Variants in NFIA observed in about 807,000 individuals in gnomAD.
NFIA encodes the protein nuclear factor I A.
A neutral mutation model predicts 62.8 loss-of-function variants in NFIA; 8 were observed. The ratio of observed to expected loss-of-function variants is 0.13; its 90% confidence interval spans 0.07 to 0.23. The LOEUF is 0.23. Ranked by LOEUF, NFIA falls within the 10% of genes least tolerant of loss-of-function variation. The pLI is 1.00. For synonymous variants in NFIA, 235 were observed against 238.1 expected (o/e 0.99, Z 0.12); for missense variants, 410 against 642.1 (o/e 0.64, Z 3.91).
At chr1:61,169,364 G>A (rs1649790688) in intron 2 of NFIA, among the ~76,000 whole-genome samples, 1 of 152,076 alleles carries the variant, frequency 6.6e-6, no homozygotes, top group Non-Finnish European at 1.5e-5. Context: ...TTCTCACCCT[G>A]CATTCTCTTA....
chr1:61,152,193 G>T (rs1253381826), intron 2 of NFIA, among the ~76,000 whole-genome samples: 3 of 152,088 alleles, frequency 2.0e-5, no homozygotes, highest in Non-Finnish European at 2.9e-5. Flanking sequence ...TAATCATATG[G>T]TCTATCGATC....
At position 61,101,503 on chromosome 1, in the gene NFIA, A is replaced by G. The variant is rs116786606; in HGVS notation, c.559+12823A>G. Among the ~76,000 whole-genome samples, 102 of 152,260 alleles carry G rather than the reference A, an allele frequency of 6.7e-4. 2 individuals are homozygous for G. Among genetic ancestry groups the G allele is most frequent in the African/African-American group, 2.1e-3 (87 of 41,554 alleles). On this transcript the variant is annotated intron_variant, in intron 2 of 10. Coordinates refer to ENST00000403491, the MANE Select transcript of NFIA (RefSeq NM_001134673.4). ...TTTTTTAAAGGGCATCCTTCTAGTA[A>G]TGCTGAAATATAAAACAAATAGCGT... is the stretch of plus-strand genomic sequence containing the variant.
chr1:61,446,578 C>T (rs1667821202), intron 10 of NFIA, among the ~76,000 whole-genome samples: 1 of 152,118 alleles, frequency 6.6e-6, no homozygotes, highest in Non-Finnish European at 1.5e-5. Flanking sequence ...CGTGGAAGTG[C>T]CTGCTGGGGT....
chr1:61,395,596 C>T (rs1665228322), intron 7 of NFIA, among the ~76,000 whole-genome samples: 1 of 152,198 alleles, frequency 6.6e-6, no homozygotes, highest in South Asian at 2.1e-4. Flanking sequence ...AAGTTCCCTT[C>T]ATGTAACTGG....
At chr1:61,244,081 C>T (rs1655504641) in intron 2 of NFIA, among the ~76,000 whole-genome samples, 1 of 152,114 alleles carries the variant, frequency 6.6e-6, no homozygotes, top group Non-Finnish European at 1.5e-5. Flanking sequence ...CTGGTGTCTA[C>T]CCAAGTATGT....
intron 7 of NFIA, 141 bp downstream of exon 7, chr1:61,383,506 T>C (rs940339898): frequency 1.8e-6 from 2 of 1,128,258 alleles, no homozygotes; most frequent in African/African-American, 1.6e-5. Flanking sequence ...GGGGGCAGCC[T>C]TGGAATTTTA....
chr1:61,077,924 C>T (rs1487296937), upstream of NFIA, among the ~76,000 whole-genome samples: 3 of 148,256 alleles, frequency 2.0e-5, no homozygotes, highest in Non-Finnish European at 4.4e-5. Context: ...AGCGCTTGCT[C>T]GGTTCCAGAA....
chr1:61,083,487 C>T (rs2100405006), intron 1 of NFIA, among the ~76,000 whole-genome samples: 2 of 152,180 alleles, frequency 1.3e-5, no homozygotes, highest in South Asian at 4.1e-4. Flanking sequence ...GGACAGCGCC[C>T]CTCGGACGCG....
chr1:61,155,784 A>T (rs1204664932), intron 2 of NFIA, among the ~76,000 whole-genome samples: 2 of 152,056 alleles, frequency 1.3e-5, no homozygotes, highest in African/African-American at 4.8e-5. Context: ...TCACAAACTC[A>T]TATTGGCATT....
At chr1:61,203,956 A>G (rs543731517) in intron 2 of NFIA, among the ~76,000 whole-genome samples, 20 of 152,258 alleles carry the variant, frequency 1.3e-4, no homozygotes, top group African/African-American at 4.8e-4. Flanking sequence ...CAGGGCAGAT[A>G]TTTAGGTGTG....
chr1:61,081,211 T>A (rs910434482), upstream of NFIA, among the ~76,000 whole-genome samples: 1 of 151,734 alleles, frequency 6.6e-6, no homozygotes, highest in Admixed American at 6.6e-5. Context: ...GCAGGTAGGC[T>A]TTCCCCCCTC....
intron 2 of NFIA, among the ~76,000 whole-genome samples, chr1:61,238,163 C>A (rs1353326235): frequency 2.0e-5 from 3 of 152,156 alleles, no homozygotes; most frequent in Non-Finnish European, 4.4e-5. Context: ...CTTTTAGCTT[C>A]TCGAATAACC....
chr1:61,159,278 A>G (rs774778230), intron 2 of NFIA, among the ~76,000 whole-genome samples: 4 of 152,186 alleles, frequency 2.6e-5, no homozygotes, highest in African/African-American at 7.2e-5. Flanking sequence ...ACTTACTGGT[A>G]GTTTTCAGAG....
intron 2 of NFIA, among the ~76,000 whole-genome samples, chr1:61,100,425 A>G (rs1265659693): frequency 1.3e-5 from 2 of 152,176 alleles, no homozygotes; most frequent in Non-Finnish European, 2.9e-5. Flanking sequence ...AGGCACTGTG[A>G]TAGATTCCCG....
intron 10 of NFIA, among the ~76,000 whole-genome samples, chr1:61,449,632 G>C (rs1243470219): frequency 6.6e-6 from 1 of 152,174 alleles, no homozygotes; most frequent in African/African-American, 2.4e-5. Flanking sequence ...GAAGTTTAAG[G>C]CAACAAAAGT....
intron 6 of NFIA, among the ~76,000 whole-genome samples, chr1:61,368,777 C>T (rs1199034823): frequency 6.6e-6 from 1 of 152,190 alleles, no homozygotes; most frequent in Admixed American, 6.5e-5. Context: ...AAACCCTAAA[C>T]TTACTGTATG....
chr1:61,255,121 A>G (rs1656298859), intron 2 of NFIA, among the ~76,000 whole-genome samples: 1 of 152,222 alleles, frequency 6.6e-6, no homozygotes, highest in African/African-American at 2.4e-5. Flanking sequence ...GGTCGCCAGA[A>G]AGTTTGTAGA....
At chr1:61,335,388 T>G (rs966465807) in intron 4 of NFIA, among the ~76,000 whole-genome samples, 4 of 152,104 alleles carry the variant, frequency 2.6e-5, no homozygotes, top group Non-Finnish European at 5.9e-5. Flanking sequence ...GGCTTAACAC[T>G]CAAGCCGCAT....
At chr1:61,118,680 G>A (rs1175870997) in intron 2 of NFIA, among the ~76,000 whole-genome samples, 2 of 148,230 alleles carry the variant, frequency 1.3e-5, no homozygotes, top group African/African-American at 5.1e-5. Flanking sequence ...GTGTGTGTGT[G>A]TGTGTGTGTG....
Sources: allele counts gnomAD v4.1 joint callset (sites outside exome capture counted in the v4.1 genomes callset), GRCh38; gene constraint gnomAD v4.1.1; transcripts MANE v1.5; gene names NCBI Gene and HGNC (gene_info 2026-07-23, HGNC 2026-07-21).